PIGU: variants seen among roughly 807,000 people sequenced by gnomAD.
PIGU encodes phosphatidylinositol glycan anchor biosynthesis class U, also known as GPI-anchor transamidase component PIGU.
Under a neutral mutation model 49.9 loss-of-function variants are expected in PIGU, and 24 were observed. The ratio of observed to expected loss-of-function variants is 0.48; its 90% CI spans 0.35 to 0.68. PIGU has a LOEUF of 0.68. Ranked by LOEUF, PIGU falls within the 30% of genes least tolerant of loss-of-function variation. The pLI is 0.01. For missense variants in PIGU, 490 were observed against 532.6 expected (o/e 0.92, Z 0.79); for synonymous variants, 220 against 205.7 (o/e 1.07, Z -0.59).
At chr20:34,594,317 A>C (rs1250139190) in intron 7 of PIGU, among the ~76,000 whole-genome samples, 3 of 152,256 alleles carry the variant, frequency 2.0e-5, no homozygotes, top group Non-Finnish European at 4.4e-5. Context: ...TAATTGCAAA[A>C]TATTGTAAGC....
chr20:34,645,274 C>A lies in PIGU; in HGVS notation c.255+1G>T. 1.3e-6 allele frequency: 2 copies of A among 1,563,460 alleles called. No homozygotes were observed. The highest frequency in any genetic ancestry group is 1.7e-6 in the Non-Finnish European group (2 of 1,161,962). On this transcript the variant is annotated splice_donor_variant, in intron 3 of 11. Coordinates refer to ENST00000217446, the MANE Select transcript of PIGU (RefSeq NM_080476.5). LOFTEE classifies it high-confidence loss of function. ...TCAATTTTATATGGAAGGTTACTTA[C>A]CATAAACACCAATTCAGCATAGTCA...
At chr20:34,588,992 A>G (rs1428487170) in intron 7 of PIGU, among the ~76,000 whole-genome samples, 10 of 152,218 alleles carry the variant, frequency 6.6e-5, no homozygotes, top group Non-Finnish European at 1.5e-5. Context: ...ATAAATGTCA[A>G]CATGGCTAGA....
intron 4 of PIGU, among the ~76,000 whole-genome samples, chr20:34,640,613 C>A (rs1372287546): frequency 6.6e-6 from 1 of 151,770 alleles, no homozygotes; most frequent in Non-Finnish European, 1.5e-5. Flanking sequence ...TAGATACATT[C>A]ATTAGTCTTG....
At chr20:34,645,581 G>A (rs781347892) in intron 2 of PIGU, among the ~76,000 whole-genome samples, 3 of 152,134 alleles carry the variant, frequency 2.0e-5, no homozygotes, top group African/African-American at 4.8e-5. Flanking sequence ...AATCTGATGT[G>A]TTAAATAACC....
chr20:34,613,000 G>T (rs1340153892), intron 7 of PIGU, among the ~76,000 whole-genome samples: 3 of 152,154 alleles, frequency 2.0e-5, no homozygotes, highest in Non-Finnish European at 4.4e-5. Flanking sequence ...TACAAATATA[G>T]TAGGAAATGG....
intron 11 of PIGU, among the ~76,000 whole-genome samples, chr20:34,566,572 A>G (rs983656190): frequency 6.6e-6 from 1 of 152,186 alleles, no homozygotes; most frequent in Admixed American, 6.5e-5. Context: ...AGGGAAATGA[A>G]TATCTTCTGA....
At chr20:34,667,069 C>T (rs533729656) in intron 1 of PIGU, among the ~76,000 whole-genome samples, 152 of 152,016 alleles carry the variant, frequency 1.0e-3, no homozygotes, top group Non-Finnish European at 1.2e-3. Context: ...CTCAAACTCC[C>T]GGCCTCAAGC....
intron 7 of PIGU, among the ~76,000 whole-genome samples, chr20:34,596,018 C>T (rs1039116378): frequency 6.6e-6 from 1 of 152,112 alleles, no homozygotes; most frequent in Admixed American, 6.5e-5. Flanking sequence ...GGCGATGGAG[C>T]GAGACCCTGT....
intron 1 of PIGU, among the ~76,000 whole-genome samples, chr20:34,673,171 G>A (rs1367498225): frequency 4.1e-5 from 6 of 147,712 alleles, no homozygotes; most frequent in African/African-American, 1.0e-4. Context: ...GGAGAATGGC[G>A]TAAACCCGGG....
At chr20:34,594,239 T>G (rs1320999277) in intron 7 of PIGU, among the ~76,000 whole-genome samples, 1 of 152,192 alleles carries the variant, frequency 6.6e-6, no homozygotes, top group Admixed American at 6.5e-5. Context: ...TAGAAATCTA[T>G]CTTGAAGATA....
chr20:34,592,850 T>G (rs1984048069), intron 7 of PIGU, among the ~76,000 whole-genome samples: 1 of 152,122 alleles, frequency 6.6e-6, no homozygotes, highest in Non-Finnish European at 1.5e-5. Context: ...GAATTAGGGT[T>G]GATGTGTCTT....
intron 7 of PIGU, among the ~76,000 whole-genome samples, chr20:34,601,386 C>T (rs1377168982): frequency 6.6e-6 from 1 of 152,150 alleles, no homozygotes; most frequent in Non-Finnish European, 1.5e-5. Context: ...CTTAATCTTG[C>T]AGGACTATTC....
chr20:34,595,950 C>T (rs140869785), intron 7 of PIGU, among the ~76,000 whole-genome samples: 142 of 152,168 alleles, frequency 9.3e-4, no homozygotes, highest in Non-Finnish European at 1.8e-3. Context: ...TGGTAGTGCT[C>T]GCCTGTAATC....
chr20:34,650,168 G>A (rs1265908443), intron 2 of PIGU, among the ~76,000 whole-genome samples: 3 of 151,876 alleles, frequency 2.0e-5, no homozygotes, highest in African/African-American at 7.3e-5. Context: ...AATTTATTAT[G>A]TTTTCTATTT....
chr20:34,598,564 T>C (rs959769239), intron 7 of PIGU, among the ~76,000 whole-genome samples: 2 of 152,220 alleles, frequency 1.3e-5, no homozygotes, highest in African/African-American at 4.8e-5. Flanking sequence ...AGATATTCCT[T>C]AGTGAGCCAG....
chr20:34,640,488 T>C (rs898927651), intron 4 of PIGU, among the ~76,000 whole-genome samples: 17 of 114,868 alleles, frequency 1.5e-4, no homozygotes, highest in South Asian at 2.9e-4. Flanking sequence ...TATACACACA[T>C]GTGCGCACGC....
chr20:34,576,426 GT>G (rs1983237584), intron 10 of PIGU, among the ~76,000 whole-genome samples: 2 of 152,030 alleles, frequency 1.3e-5, no homozygotes, highest in African/African-American at 4.8e-5. Context: ...GAGGTCAGAA[GT>G]TCCAAAATGG....
chr20:34,581,513 T>C (rs1983460951), intron 10 of PIGU, 35 bp downstream of exon 10: 1 of 1,611,940 alleles, frequency 6.2e-7, no homozygotes, highest in South Asian at 1.1e-5. Context: ...AGGCCCAGGC[T>C]GACACAAATC....
At chr20:34,607,500 A>C (rs1600623610) in intron 7 of PIGU, among the ~76,000 whole-genome samples, 1 of 152,032 alleles carries the variant, frequency 6.6e-6, no homozygotes, top group African/African-American at 2.4e-5. Context: ...GGGGAAGACC[A>C]CCTTCCTGCT....
Sources: allele counts gnomAD v4.1 joint callset (sites outside exome capture counted in the v4.1 genomes callset), GRCh38; gene constraint gnomAD v4.1.1; transcripts MANE v1.5; gene names NCBI Gene and HGNC (gene_info 2026-07-23, HGNC 2026-07-21).